The following SEC16A variants were observed in gnomAD, a reference collection of about 807,000 sequenced individuals.
SEC16A encodes the protein protein transport protein Sec16A.
SEC16A carries 110 observed loss-of-function variants against 221.9 expected under a neutral mutation model. The observed-to-expected ratio is 0.50, with a 90% CI of 0.42 to 0.58. The LOEUF (loss-of-function observed/expected upper bound fraction) is 0.58, where lower values mean the gene tolerates loss of function less well. Ranked by LOEUF, SEC16A falls within the 20% of genes least tolerant of loss-of-function variation. The pLI is 0.00. For synonymous variants in SEC16A, 1,393 were observed against 1,257.7 expected, an observed-to-expected ratio of 1.11 and a Z score of -2.28; for missense variants, 3,165 against 3,097.8, an observed-to-expected ratio of 1.02 and a Z score of -0.52.
intron 22 of SEC16A, 121 bp from the exon 23 acceptor site, chr9:136,451,529 T>C (rs1445124501): frequency 2.5e-6 from 3 of 1,190,116 alleles, no homozygotes; most frequent in Admixed American, 3.0e-5. Context: ...CGGATGACTC[T>C]GGTGACCAGA....
intron 12 of SEC16A, 98 bp from the exon 13 acceptor site, chr9:136,461,372 C>A (rs187972611): frequency 2.4e-6 from 2 of 832,330 alleles, no homozygotes; most frequent in East Asian, 2.7e-5. Flanking sequence ...AGCAGATACA[C>A]AAACAACCCA....
Position 136,448,871 on chromosome 9 carries a change from G to A in SEC16A, c.6313-710C>T, listed in dbSNP as rs182215960. The A allele has an allele frequency of 2.0e-4, 141 of 707,910 alleles. 1 individual carries two copies. Among genetic ancestry groups the A allele is most frequent in the East Asian group, 1.8e-3 (67 of 37,272 alleles). The allele number at this position is 707,910 out of a possible 1,614,324, so 43.9% of individuals were successfully genotyped here. ...AGGAGGATGGAGGTGGGAGGGAACC[G>A]GGAGTTGTTTCGTTTCAAGGAGACA... On this transcript the variant is annotated intron_variant, in intron 23 of 31. Transcript: ENST00000684901.
chr9:136,470,986 C>T (rs766660765), intron 4 of SEC16A, among the ~76,000 whole-genome samples: 3 of 152,134 alleles, frequency 2.0e-5, no homozygotes, highest in Non-Finnish European at 2.9e-5. Context: ...CAGGGCTCTG[C>T]GCACCTCCCT....
intron 4 of SEC16A, among the ~76,000 whole-genome samples, chr9:136,470,346 C>A (rs987899397): frequency 5.9e-5 from 9 of 152,200 alleles, no homozygotes; most frequent in Non-Finnish European, 1.3e-4. Flanking sequence ...CTCTCAGAAT[C>A]GGTTCCTAGG....
At chr9:136,465,928 T>C in intron 8 of SEC16A, 34 bp downstream of exon 8, 1 of 1,589,826 alleles carries the variant, frequency 6.3e-7, no homozygotes, top group Non-Finnish European at 8.6e-7. Flanking sequence ...CCAGTGGGGT[T>C]AGCCGGTATC....
chr9:136,466,338 G>A lies in SEC16A; in HGVS notation c.4054C>T (p.His1352Tyr). 6.3e-7 allele frequency: 1 copy of A among 1,575,736 alleles called. No individual in the cohort carries two copies. Among genetic ancestry groups the A allele is most frequent in the Middle Eastern group, 1.7e-4 (1 of 6,026 alleles). Residue 1352 changes from histidine (H) to tyrosine (Y), a missense_variant, in exon 7 of 32, where the codon CAC (histidine) becomes TAC (tyrosine). His to Tyr is a moderately conservative substitution (Grantham distance 83). Around this residue, in one of 3 missense-constraint regions of SEC16A, gnomAD observed 2,030 missense variants for 1,923.1 expected, o/e 1.06. Coordinates refer to ENST00000684901, the MANE Select transcript of SEC16A (RefSeq NM_014866.2). The surrounding 1 kb of genome is among the most constrained non-coding windows in gnomAD (Gnocchi z 5.5). ...GCGCTGTGCAGGCTCCGTGCCGAGT[G>A]CTCGCTGTGGACGCTGCGCCGGTCC... ...EVDRRSVHSE[H>Y]SARSLHSAHS...
At chr9:136,451,194 G>T in intron 23 of SEC16A, 62 bp downstream of exon 23, 1 of 1,536,876 alleles carries the variant, frequency 6.5e-7, no homozygotes, top group Admixed American at 1.9e-5. Flanking sequence ...GGCGCTCTGG[G>T]AAGCGTGCCT....
chr9:136,454,404 G>A (rs1196449778), intron 20 of SEC16A, 77 bp from the exon 21 acceptor site: 4 of 1,308,196 alleles, frequency 3.1e-6, no homozygotes, highest in African/African-American at 1.5e-5. Flanking sequence ...GACACTCGAC[G>A]TGTTTATGAC....
Position 136,466,103 on chromosome 9 carries a change from C to T in SEC16A, c.4162G>A (p.Gly1388Ser), listed in dbSNP as rs769945456. 36 of 1,605,168 alleles carry T rather than the reference C, an allele frequency of 2.2e-5. No individual in the cohort carries two copies. Among genetic ancestry groups the T allele is most frequent in the Non-Finnish European group, 2.7e-5 (32 of 1,174,846 alleles). Residue 1388 changes from glycine to serine, a missense_variant, in exon 8 of 32, where the codon GGT (glycine) becomes AGT (serine). By Grantham distance (56) the Gly-to-Ser change is moderately conservative. Around this residue, in one of 3 missense-constraint regions of SEC16A, gnomAD observed 2,030 missense variants for 1,923.1 expected, o/e 1.06. Transcript: ENST00000684901. The surrounding 1 kb of genome is among the most constrained non-coding windows in gnomAD (Gnocchi z 5.5). ...QIYRSHNVAAGSYEAPLPPGS... is the reference protein window; with the variant it reads ...QIYRSHNVAASSYEAPLPPGS... Reference sequence around the variant, plus strand: ...GGAGGAAGCGGGGCCTCGTAGGAACCGGCAGCCACATTGTGGCTTCTGTAA... The same window carrying T: ...GGAGGAAGCGGGGCCTCGTAGGAACTGGCAGCCACATTGTGGCTTCTGTAA...
rs774953185 is a variant in SEC16A at position 136,476,484 on chromosome 9, C to G, written c.1132G>C (p.Gly378Arg). 1 of 1,613,088 alleles carries G rather than the reference C, an allele frequency of 6.2e-7. No individual in the cohort carries two copies. Among genetic ancestry groups the G allele is most frequent in the African/African-American group, 1.3e-5 (1 of 74,942 alleles). The change falls in exon 3 of 32, where the codon GGG becomes CGG. Residue 378 changes from glycine (G) to arginine (R), a missense_variant. Physicochemically the swap from Gly to Arg is moderately radical, Grantham distance 125. Coordinates refer to ENST00000684901, the MANE Select transcript of SEC16A (RefSeq NM_014866.2). ...ASGALAMFFQ[G>R]GETENEENLS... ...TTCTCCTCATTTTCTGTCTCTCCCCCTTGGAAAAACATCGCCAGAGCTCCT... is the reference window on the plus strand; with the variant it reads ...TTCTCCTCATTTTCTGTCTCTCCCCGTTGGAAAAACATCGCCAGAGCTCCT...
intron 20 of SEC16A, among the ~76,000 whole-genome samples, chr9:136,454,858 G>A (rs1476076162): frequency 1.3e-5 from 2 of 152,234 alleles, no homozygotes. Flanking sequence ...AAGTGGTAAC[G>A]GTGTCTGAGG....
Position 136,475,919 on chromosome 9 carries a change from A to C in SEC16A, c.1697T>G (p.Ile566Ser). 6.2e-7 allele frequency: 1 copy of C among 1,613,102 alleles called. No homozygotes were observed. Among genetic ancestry groups the C allele is most frequent in the Non-Finnish European group, 8.5e-7 (1 of 1,179,602 alleles). The change falls in exon 3 of 32, where the codon ATC becomes AGC. Residue 566 changes from isoleucine (I) to serine (S), a missense_variant. Physicochemically the swap from Ile to Ser is moderately radical, Grantham distance 142. This residue lies in a region of SEC16A where 2,030 missense variants were observed against 1,923.1 expected (regional missense o/e 1.06). Coordinates refer to ENST00000684901, the MANE Select transcript of SEC16A (RefSeq NM_014866.2). This position sits in a 1 kb window ranked among gnomAD's most constrained non-coding sequence, Gnocchi z 5.0. The part of the protein sequence containing the change: ...DEASGSFFKQ[I>S]DSSPVGGETD... Reference sequence around the variant, plus strand: ...TTCACCTCCTACGGGAGAAGAATCGATTTGCTTAAAAAAACTACCTGAAGC... The same window carrying C: ...TTCACCTCCTACGGGAGAAGAATCGCTTTGCTTAAAAAAACTACCTGAAGC...
At chr9:136,463,259 G>T in intron 11 of SEC16A, 127 bp from the exon 12 acceptor site, 3 of 1,401,064 alleles carry the variant, frequency 2.1e-6, no homozygotes, top group Non-Finnish European at 1.9e-6. Flanking sequence ...GGCTGGCAAG[G>T]CTGGGCTGAA....
At position 136,464,517 on chromosome 9, in the gene SEC16A, A is replaced by G; in HGVS notation, c.4349T>C (p.Val1450Ala). 6.2e-7 allele frequency: 1 copy of G among 1,607,076 alleles called. No individual in the cohort carries two copies. Among genetic ancestry groups the G allele is most frequent in the Non-Finnish European group, 8.5e-7 (1 of 1,174,094 alleles). The change falls in exon 9 of 32, where the codon GTC becomes GCC. Residue 1450 changes from valine to alanine, a missense_variant. By Grantham distance (64) the Val-to-Ala change is moderately conservative (BLOSUM62 0). Around this residue, in one of 3 missense-constraint regions of SEC16A, gnomAD observed 2,030 missense variants for 1,923.1 expected, o/e 1.06. Transcript: ENST00000684901. ...TSPEKFSVPH[V>A]CARFGPGGQL... Reference sequence around the variant, plus strand: ...ACCGCCAGGGCCAAACCTGGCACAGACATGAGGCACTGAAAATTTTTCAGG... The same window carrying G: ...ACCGCCAGGGCCAAACCTGGCACAGGCATGAGGCACTGAAAATTTTTCAGG...
chr9:136,470,194 C>A (rs1053593070), intron 4 of SEC16A, among the ~76,000 whole-genome samples: 5 of 152,234 alleles, frequency 3.3e-5, no homozygotes, highest in African/African-American at 9.6e-5. Context: ...AGAGCCTGCG[C>A]AAGCCAGGGC....
chr9:136,484,407 G>T (rs1346988538), upstream of SEC16A: 4 of 1,194,928 alleles, frequency 3.3e-6, no homozygotes, highest in Non-Finnish European at 4.3e-6. Context: ...TCATTTTTCG[G>T]AGGAGCCGAG....
Position 136,459,147 on chromosome 9 carries a change from AG to A in SEC16A, c.5395del (p.Leu1799CysfsTer36). ...GCACCTGCTTACCTGGAAACTAGGC[AG>A]GGGGCAGGTCTCGGCACCCAGGGAC... is the stretch of plus-strand genomic sequence containing the variant. ...AQSLGAETCP[L>X]PSFQVFKFIY... On this transcript the variant is annotated frameshift_variant, in exon 17 of 32. Transcript: ENST00000684901. LOFTEE classifies it high-confidence loss of function. The surrounding 1 kb of genome is among the most constrained non-coding windows in gnomAD (Gnocchi z 6.1). The A allele has an allele frequency of 6.2e-7, 1 of 1,609,372 alleles. No individual in the cohort carries two copies. The highest frequency in any genetic ancestry group is 8.5e-7 in the Non-Finnish European group (1 of 1,176,772).
upstream of SEC16A, chr9:136,483,841 G>C (rs1158413418): frequency 2.0e-6 from 2 of 976,544 alleles, no homozygotes. Context: ...TGCGGGACGC[G>C]GAGGGCCGAC....
At chr9:136,484,277 C>G (rs1453176709), upstream of SEC16A, 1 of 906,228 alleles carries the variant, frequency 1.1e-6, no homozygotes, top group African/African-American at 1.8e-5. Context: ...GCGGCCAGAG[C>G]GACCCAGCGG....
Sources: allele counts gnomAD v4.1 joint callset (sites outside exome capture counted in the v4.1 genomes callset), GRCh38; gene constraint gnomAD v4.1.1; regional missense constraint gnomAD v4.1.1; non-coding constraint Gnocchi (gnomAD v3.1); transcripts MANE v1.5; gene names NCBI Gene and HGNC (gene_info 2026-07-23, HGNC 2026-07-21).